Variants in RPS6KC1 observed in about 807,000 individuals in gnomAD.
RPS6KC1 encodes inactive ribosomal protein S6 kinase delta-1.
RPS6KC1 carries 54 observed loss-of-function variants against 103.8 expected under a neutral mutation model. The ratio of observed to expected loss-of-function variants is 0.52; its 90% confidence interval spans 0.42 to 0.65. RPS6KC1 has a LOEUF of 0.65. Ranked by LOEUF, RPS6KC1 falls within the 30% of genes least tolerant of loss-of-function variation. RPS6KC1 has a pLI of 0.00. For missense variants in RPS6KC1, 1,151 were observed against 1,253.8 expected (o/e 0.92, Z 1.24); for synonymous variants, 439 against 438.7 (o/e 1.00, Z -0.01).
intron 4 of RPS6KC1, among the ~76,000 whole-genome samples, chr1:213,113,258 A>G (rs1410032509): frequency 6.6e-6 from 1 of 151,670 alleles, no homozygotes; most frequent in Admixed American, 6.6e-5. Context: ...TGCCATTCTA[A>G]CTGGTGTGAG....
At chr1:213,350,270 T>C in the RPS6KC1 span, among the ~76,000 whole-genome samples, 26 of 152,310 alleles carry the variant, frequency 1.7e-4, no homozygotes, top group African/African-American at 6.3e-4. Flanking sequence ...TCTTGCAGCC[T>C]TGCAGTGGGA....
At chr1:213,549,845 T>C in the RPS6KC1 span, among the ~76,000 whole-genome samples, 1 of 152,010 alleles carries the variant, frequency 6.6e-6, no homozygotes, top group African/African-American at 2.4e-5. Context: ...CTCTTTTTAT[T>C]GTTATCCAAG....
At chr1:213,399,951 A>T in the RPS6KC1 span, among the ~76,000 whole-genome samples, 1 of 152,062 alleles carries the variant, frequency 6.6e-6, no homozygotes, top group African/African-American at 2.4e-5. Flanking sequence ...TTTAGCGAAG[A>T]GATTCTGCTT....
At chr1:213,818,142 A>G in the RPS6KC1 span, 1 of 152,140 alleles carries the variant, frequency 6.6e-6, no homozygotes, top group East Asian at 1.9e-4. Context: ...CTGAGACACA[A>G]TAATATTGAA....
At chr1:213,445,375 GACTTTATT>G in the RPS6KC1 span, among the ~76,000 whole-genome samples, 33 of 152,290 alleles carry the variant, frequency 2.2e-4, 1 homozygote, top group African/African-American at 6.7e-4. Context: ...GTTGTATGGT[GACTTTATT>G]TTTAAGAACC....
chr1:213,071,477 A>G (rs556962701), intron 2 of RPS6KC1, among the ~76,000 whole-genome samples: 2 of 152,270 alleles, frequency 1.3e-5, no homozygotes, highest in South Asian at 2.1e-4. Context: ...TCATTTCACA[A>G]AACAGTAGCT....
chr1:213,230,489 T>C lies in RPS6KC1; in HGVS notation c.1045-8T>C, dbSNP rs1164863098. ...GTTAATAAATTATTACTCGTGTCTT[T>C]TATGTAGGTTTTACTTGTAATGGAC... On this transcript the variant is annotated splice_polypyrimidine_tract_variant and splice_region_variant and intron_variant, in intron 8 of 14. Coordinates refer to ENST00000366960, the MANE Select transcript of RPS6KC1 (RefSeq NM_012424.6). The C allele has an allele frequency of 1.9e-6, 3 of 1,583,310 alleles. No individual in the cohort carries two copies. Among genetic ancestry groups the C allele is most frequent in the Non-Finnish European group, 2.6e-6 (3 of 1,157,228 alleles).
At chr1:213,150,459 G>T (rs971641746) in intron 6 of RPS6KC1, among the ~76,000 whole-genome samples, 1 of 148,624 alleles carries the variant, frequency 6.7e-6, no homozygotes, top group Admixed American at 6.7e-5. Flanking sequence ...AGGACCCTGC[G>T]GCCTTCCGCA....
chr1:213,279,971 G>A, the RPS6KC1 span, among the ~76,000 whole-genome samples: 1 of 152,184 alleles, frequency 6.6e-6, no homozygotes, highest in Non-Finnish European at 1.5e-5. Flanking sequence ...GCTTGCTCAA[G>A]TTTGGGAGCT....
At chr1:213,716,532 T>C in the RPS6KC1 span, among the ~76,000 whole-genome samples, 436 of 152,312 alleles carry the variant, frequency 2.9e-3, 8 homozygotes, top group Admixed American at 0.02. Context: ...TATTGCAAAA[T>C]ACTTTGACAT....
At chr1:213,614,345 A>G in the RPS6KC1 span, among the ~76,000 whole-genome samples, 44 of 152,368 alleles carry the variant, frequency 2.9e-4, no homozygotes, top group African/African-American at 9.1e-4. Flanking sequence ...GTTTCTACAG[A>G]GAGTGAATCC....
At chr1:213,621,420 G>C in the RPS6KC1 span, among the ~76,000 whole-genome samples, 1 of 130,366 alleles carries the variant, frequency 7.7e-6, no homozygotes, top group Non-Finnish European at 1.6e-5. Flanking sequence ...GTTTGTGGGT[G>C]GGGGGTGGGT....
At chr1:213,077,844 T>A in intron 3 of RPS6KC1, 28 bp downstream of exon 3, 2 of 1,360,268 alleles carry the variant, frequency 1.5e-6, no homozygotes, top group Non-Finnish European at 2.0e-6. Flanking sequence ...AATTGTAATT[T>A]AAAAAAATAA....
the RPS6KC1 span, among the ~76,000 whole-genome samples, chr1:213,318,134 A>T: frequency 6.6e-6 from 1 of 152,246 alleles, no homozygotes; most frequent in Non-Finnish European, 1.5e-5. Context: ...CAAGTGTCTG[A>T]TTGAACATCA....
intron 10 of RPS6KC1, among the ~76,000 whole-genome samples, chr1:213,236,685 C>T (rs1408157626): frequency 6.6e-6 from 1 of 151,968 alleles, no homozygotes; most frequent in Non-Finnish European, 1.5e-5. Flanking sequence ...TAGCAAAATA[C>T]TTGGTATTTA....
At chr1:213,550,280 C>G in the RPS6KC1 span, among the ~76,000 whole-genome samples, 1 of 152,122 alleles carries the variant, frequency 6.6e-6, no homozygotes. Flanking sequence ...TTGTTTCTTA[C>G]GAAATTGACT....
the RPS6KC1 span, among the ~76,000 whole-genome samples, chr1:213,551,497 G>A: frequency 3.3e-5 from 5 of 152,112 alleles, no homozygotes; most frequent in East Asian, 7.7e-4. Flanking sequence ...AGCCATCTGG[G>A]ACTTCCTGTG....
the RPS6KC1 span, among the ~76,000 whole-genome samples, chr1:213,311,062 C>T: frequency 3.0e-3 from 455 of 152,192 alleles, 2 homozygotes; most frequent in African/African-American, 0.011. Context: ...CTGGGAGTCT[C>T]GCTCAACCAG....
At chr1:213,542,354 G>A in the RPS6KC1 span, among the ~76,000 whole-genome samples, 2 of 152,194 alleles carry the variant, frequency 1.3e-5, no homozygotes, top group Admixed American at 6.5e-5. Flanking sequence ...ATGTCCTGCA[G>A]GGAGCAGAGT....
Sources: gnomAD v4.1 joint callset for allele counts (sites outside exome capture counted in the v4.1 genomes callset) on GRCh38, gnomAD v4.1.1 for gene constraint, MANE v1.5 for transcripts, NCBI Gene and HGNC (gene_info 2026-07-23, HGNC 2026-07-21) for gene names.